DPP6: variants seen among roughly 807,000 people sequenced by gnomAD.
DPP6 encodes dipeptidyl peptidase like 6, also known as A-type potassium channel modulatory protein DPP6.
DPP6 carries 69 observed loss-of-function variants against 122.6 expected under a neutral mutation model. The ratio of observed to expected loss-of-function variants is 0.56; its 90% CI spans 0.46 to 0.69. DPP6 has a LOEUF of 0.69. DPP6 is among the 30% of genes least tolerant of loss of function. The probability of loss-of-function intolerance (pLI) is 0.00; values close to 1 mark genes in which losing one functional copy is unlikely to be tolerated. For synonymous variants in DPP6, 418 were observed against 433.1 expected, an observed-to-expected ratio of 0.97 and a Z score of 0.43; for missense variants, 928 against 1,116.9, an observed-to-expected ratio of 0.83 and a Z score of 2.41.
intron 2 of DPP6, among the ~76,000 whole-genome samples, chr7:154,463,650 T>G (rs565070099): frequency 6.6e-5 from 10 of 152,140 alleles, no homozygotes; most frequent in African/African-American, 2.4e-4. Context: ...TGCTACTGAT[T>G]ATTTAGGGCC....
At chr7:154,762,598 G>A (rs370770625) in intron 8 of DPP6, among the ~76,000 whole-genome samples, 1 of 152,204 alleles carries the variant, frequency 6.6e-6, no homozygotes, top group African/African-American at 2.4e-5. Context: ...CTGAGCCTCT[G>A]CACAACACTG....
intron 1 of DPP6, among the ~76,000 whole-genome samples, chr7:154,066,474 G>A (rs745584411): frequency 8.5e-5 from 13 of 152,292 alleles, no homozygotes; most frequent in Middle Eastern, 3.4e-3. Context: ...TCTATGCCAC[G>A]AAGAACACCC....
At chr7:153,757,011 T>C in the DPP6 span, among the ~76,000 whole-genome samples, 1 of 152,202 alleles carries the variant, frequency 6.6e-6, no homozygotes, top group African/African-American at 2.4e-5. Context: ...ATGCAGTATT[T>C]CAATTATCTT....
At chr7:154,458,345 G>A (rs1820982856) in intron 2 of DPP6, among the ~76,000 whole-genome samples, 2 of 152,166 alleles carry the variant, frequency 1.3e-5, no homozygotes, top group Non-Finnish European at 2.9e-5. Context: ...TGTAAGATGT[G>A]CCTTTGCTCC....
chr7:154,640,847 A>G (rs1261699888), intron 6 of DPP6, among the ~76,000 whole-genome samples: 1 of 152,236 alleles, frequency 6.6e-6, no homozygotes, highest in Non-Finnish European at 1.5e-5. Context: ...TAGAAAACAC[A>G]TATCTGTACC....
intron 7 of DPP6, among the ~76,000 whole-genome samples, chr7:154,702,291 A>T (rs1226224849): frequency 6.6e-6 from 1 of 152,252 alleles, no homozygotes; most frequent in Non-Finnish European, 1.5e-5. Flanking sequence ...AATGGCCTGT[A>T]AGTGTTCATA....
At chr7:153,802,998 A>C in the DPP6 span, among the ~76,000 whole-genome samples, 2 of 151,146 alleles carry the variant, frequency 1.3e-5, no homozygotes, top group East Asian at 3.9e-4. Flanking sequence ...GTCCTAGAAA[A>C]ACATGCTTCA....
intron 2 of DPP6, among the ~76,000 whole-genome samples, chr7:154,450,596 G>C (rs545751794): frequency 6.6e-6 from 1 of 152,176 alleles, no homozygotes; most frequent in Non-Finnish European, 1.5e-5. Flanking sequence ...AGTCTCCTGC[G>C]TGAGCGAGCT....
At chr7:154,778,881 A>G (rs1796774885) in intron 10 of DPP6, among the ~76,000 whole-genome samples, 1 of 148,742 alleles carries the variant, frequency 6.7e-6, no homozygotes, top group African/African-American at 2.5e-5. Context: ...AACTTCCAAC[A>G]CTACAACCTT....
rs752688208 is a variant in DPP6, at chr7:154,604,668, G to A, written c.628-33153G>A. Reference sequence around the variant, plus strand: ...TAATTTTAAAATAGGGTAAATTAGTGCTTCTTTTTAATCACACACTTTGCA... The same window carrying A: ...TAATTTTAAAATAGGGTAAATTAGTACTTCTTTTTAATCACACACTTTGCA... On this transcript the variant is annotated intron_variant, in intron 5 of 25. Transcript: ENST00000377770. Among the ~76,000 whole-genome samples, 161 of 120,892 alleles carry A rather than the reference G, an allele frequency of 1.3e-3. 51 individuals are homozygous for A. Among genetic ancestry groups the A allele is most frequent in the Non-Finnish European group, 2.4e-3 (127 of 53,522 alleles). The allele number at this position is 120,892 out of a possible 152,430, so 79.3% of individuals were successfully genotyped here. A position where few individuals can be genotyped will look rare whatever the true frequency, so the allele number is the denominator to read the frequency against.
At chr7:154,275,877 C>T (rs1014715890) in intron 1 of DPP6, among the ~76,000 whole-genome samples, 7 of 152,266 alleles carry the variant, frequency 4.6e-5, no homozygotes, top group African/African-American at 1.7e-4. Context: ...TCTCACCCCA[C>T]TCTTTCCTTC....
chr7:154,831,798 C>T (rs1418545223), intron 16 of DPP6, among the ~76,000 whole-genome samples: 1 of 152,206 alleles, frequency 6.6e-6, no homozygotes, highest in Admixed American at 6.5e-5. Context: ...AAACCCACAT[C>T]TGCGCCTCCT....
chr7:154,076,941 C>G (rs867987230), intron 1 of DPP6, among the ~76,000 whole-genome samples: 1 of 151,850 alleles, frequency 6.6e-6, no homozygotes, highest in South Asian at 2.1e-4. Context: ...AGAAAAGGAC[C>G]GAAAAACCAC....
intron 10 of DPP6, among the ~76,000 whole-genome samples, chr7:154,791,510 C>G (rs1398700498): frequency 1.3e-5 from 2 of 152,142 alleles, no homozygotes; most frequent in Admixed American, 1.3e-4. Context: ...TGGGGGAAAC[C>G]ACCCGCATGA....
At chr7:154,798,010 T>G (rs1405961501) in intron 12 of DPP6, among the ~76,000 whole-genome samples, 1 of 152,208 alleles carries the variant, frequency 6.6e-6, no homozygotes, top group South Asian at 2.1e-4. Context: ...GGAGGCCCTA[T>G]GCCAGGCCCA....
rs10262063 is a variant in DPP6, at chr7:154,568,502, G to C, written c.627+1586G>C. Among the ~76,000 whole-genome samples, 1,240 of 152,298 alleles carry C rather than the reference G, an allele frequency of 8.1e-3. 16 individuals are homozygous for C. Among genetic ancestry groups the C allele is most frequent in the African/African-American group, 0.028 (1,161 of 41,560 alleles). On this transcript the variant is annotated intron_variant, in intron 5 of 25. Transcript: ENST00000377770. ...TTGTTCTCCGGAATGTGACAGAGGGGTTCCCGCAGCCGTGTGATCGGAAGA... is the reference window on the plus strand; with the variant it reads ...TTGTTCTCCGGAATGTGACAGAGGGCTTCCCGCAGCCGTGTGATCGGAAGA...
the DPP6 span, among the ~76,000 whole-genome samples, chr7:153,858,983 A>G: frequency 2.6e-5 from 4 of 152,180 alleles, no homozygotes; most frequent in Admixed American, 6.5e-5. Flanking sequence ...CTATAAATGC[A>G]TTCTGTGGCT....
At chr7:154,536,212 A>C (rs1307758431) in intron 3 of DPP6, among the ~76,000 whole-genome samples, 1 of 152,172 alleles carries the variant, frequency 6.6e-6, no homozygotes, top group Non-Finnish European at 1.5e-5. Flanking sequence ...GTAATGTGTG[A>C]TTCTATTTGT....
At chr7:154,198,636 A>G (rs1326334852) in intron 1 of DPP6, among the ~76,000 whole-genome samples, 18 of 152,186 alleles carry the variant, frequency 1.2e-4, no homozygotes. Flanking sequence ...TTTTAAATTT[A>G]TTCCAGTAGT....
Sources: allele counts gnomAD v4.1 joint callset (sites outside exome capture counted in the v4.1 genomes callset), GRCh38; gene constraint gnomAD v4.1.1; transcripts MANE v1.5; gene names NCBI Gene and HGNC (gene_info 2026-07-23, HGNC 2026-07-21).